The following SSH2 variants were observed in gnomAD, a reference collection of about 807,000 sequenced individuals.
The protein encoded by SSH2 is slingshot protein phosphatase 2.
A neutral mutation model predicts 135.2 loss-of-function variants in SSH2; 37 were observed. The observed-to-expected ratio is 0.27, with a 90% confidence interval of 0.21 to 0.36. The LOEUF is 0.36. Ranked by LOEUF, SSH2 falls within the 10% of genes least tolerant of loss-of-function variation. SSH2 has a pLI of 1.00. For synonymous variants in SSH2, 628 were observed against 646.2 expected (o/e 0.97, Z 0.43); for missense variants, 1,408 against 1,765.3 (o/e 0.80, Z 3.63).
chr17:29,670,954 T>G (rs2037468075), intron 9 of SSH2, among the ~76,000 whole-genome samples: 1 of 152,014 alleles, frequency 6.6e-6, no homozygotes, highest in Non-Finnish European at 1.5e-5. Flanking sequence ...AAAAGAAACA[T>G]CATGACGAAT....
At chr17:29,717,560 G>C (rs572143994) in intron 3 of SSH2, among the ~76,000 whole-genome samples, 18 of 152,358 alleles carry the variant, frequency 1.2e-4, no homozygotes, top group Middle Eastern at 3.4e-3. Flanking sequence ...GACATGAGAT[G>C]GTGTTAAGTG....
At chr17:29,799,117 T>C (rs554998751) in intron 2 of SSH2, among the ~76,000 whole-genome samples, 2 of 152,328 alleles carry the variant, frequency 1.3e-5, no homozygotes, top group South Asian at 4.1e-4. Context: ...ACTTATTACA[T>C]ATAGCTATAG....
At chr17:29,857,483 A>G (rs1599100926) in intron 1 of SSH2, among the ~76,000 whole-genome samples, 1 of 152,088 alleles carries the variant, frequency 6.6e-6, no homozygotes, top group African/African-American at 2.4e-5. Flanking sequence ...CAGTCAAACC[A>G]TATCAACCAT....
In SSH2 at chr17:29,709,399, G is replaced by A. The variant is rs904468398; in HGVS notation, c.189-6337C>T. Among the ~76,000 whole-genome samples the A allele has an allele frequency of 9.8e-5, 15 of 152,286 alleles. 1 individual carries two copies. The South Asian group carries it at 1.5e-3, about 15-fold the overall frequency. ...AATTTAAAAGTAGAGTACAGGGGCTGAGTGTGGTGGCTCATGCCTGTAATC... is the reference window on the plus strand; with the variant it reads ...AATTTAAAAGTAGAGTACAGGGGCTAAGTGTGGTGGCTCATGCCTGTAATC... On this transcript the variant is annotated intron_variant, in intron 3 of 15. Transcript: ENST00000540801.
At chr17:29,807,840 T>TTC (rs946587229) in intron 2 of SSH2, among the ~76,000 whole-genome samples, 1 of 148,924 alleles carries the variant, frequency 6.7e-6, no homozygotes, top group African/African-American at 2.5e-5. Flanking sequence ...GGCTTTTTTT[T>TTC]TTTTTTTTTT....
chr17:29,889,766 G>T (rs1029749379), intron 1 of SSH2, among the ~76,000 whole-genome samples: 3 of 141,262 alleles, frequency 2.1e-5, no homozygotes, highest in Non-Finnish European at 4.6e-5. Context: ...ATGAGCAAAG[G>T]CCAGCCTGGG....
At chr17:29,846,859 G>A (rs2151384667) in intron 2 of SSH2, among the ~76,000 whole-genome samples, 1 of 152,288 alleles carries the variant, frequency 6.6e-6, no homozygotes, top group South Asian at 2.1e-4. Flanking sequence ...TCCTGATACA[G>A]ACAATTCATT....
intron 3 of SSH2, among the ~76,000 whole-genome samples, chr17:29,733,803 G>A (rs1300409746): frequency 1.3e-5 from 2 of 151,720 alleles, no homozygotes; most frequent in Admixed American, 6.6e-5. Flanking sequence ...AATGAAAAAT[G>A]TCTATCTAAA....
chr17:29,684,688 G>A lies in SSH2; in HGVS notation c.358-4C>T. ...AAGTACTTTCCAGTCTTACAGCCTG[G>A]AATTTAGCAGACAACAGAGAAATTA... On this transcript the variant is annotated splice_region_variant and splice_polypyrimidine_tract_variant and intron_variant, in intron 5 of 15. Coordinates refer to ENST00000540801, the MANE Select transcript of SSH2 (RefSeq NM_001282129.2). The A allele has an allele frequency of 6.2e-7, 1 of 1,604,338 alleles. No individual in the cohort carries two copies. The highest frequency in any genetic ancestry group is 8.5e-7 in the Non-Finnish European group (1 of 1,176,554).
chr17:29,861,758 T>C (rs2065769481), intron 1 of SSH2, among the ~76,000 whole-genome samples: 1 of 152,042 alleles, frequency 6.6e-6, no homozygotes, highest in African/African-American at 2.4e-5. Context: ...GAGGTTTCAC[T>C]ATGTTAGCCA....
At chr17:29,689,015 G>T (rs984702776) in intron 5 of SSH2, among the ~76,000 whole-genome samples, 1 of 152,128 alleles carries the variant, frequency 6.6e-6, no homozygotes, top group Non-Finnish European at 1.5e-5. Flanking sequence ...AAAATTAGCT[G>T]GGTGTGGTGG....
chr17:29,911,934 T>C (rs1416212934), intron 1 of SSH2, among the ~76,000 whole-genome samples: 2 of 152,188 alleles, frequency 1.3e-5, no homozygotes, highest in African/African-American at 4.8e-5. Flanking sequence ...AGTGTGACAA[T>C]AGCTATTCCA....
intron 9 of SSH2, among the ~76,000 whole-genome samples, chr17:29,670,457 C>A (rs2037447033): frequency 6.6e-6 from 1 of 152,200 alleles, no homozygotes; most frequent in Non-Finnish European, 1.5e-5. Context: ...GCTTTTTTGA[C>A]TGTTCCTTTC....
intron 12 of SSH2, among the ~76,000 whole-genome samples, chr17:29,653,324 A>G (rs543197598): frequency 3.3e-5 from 5 of 152,298 alleles, no homozygotes; most frequent in African/African-American, 1.2e-4. Context: ...AAAATTTAAC[A>G]ATCACTGAAT....
At chr17:29,705,340 A>G (rs1331950769) in intron 3 of SSH2, among the ~76,000 whole-genome samples, 1 of 152,182 alleles carries the variant, frequency 6.6e-6, no homozygotes, top group East Asian at 1.9e-4. Flanking sequence ...AATAACTATG[A>G]TAAGTAAGCC....
intron 3 of SSH2, among the ~76,000 whole-genome samples, chr17:29,751,885 AG>A (rs1236815551): frequency 2.6e-5 from 4 of 152,206 alleles, no homozygotes; most frequent in Non-Finnish European, 5.9e-5. Context: ...AAATATCAAA[AG>A]TGATAGTTTT....
chr17:29,801,818 A>G (rs1052646796), intron 2 of SSH2, among the ~76,000 whole-genome samples: 11 of 152,224 alleles, frequency 7.2e-5, no homozygotes, highest in Admixed American at 2.0e-4. Flanking sequence ...AACTAATGCC[A>G]TGTGAATGCT....
At chr17:29,759,180 C>T (rs1225020345) in intron 3 of SSH2, among the ~76,000 whole-genome samples, 2 of 152,116 alleles carry the variant, frequency 1.3e-5, no homozygotes, top group Non-Finnish European at 2.9e-5. Context: ...AGACTATAGG[C>T]ATGCGCCACC....
At chr17:29,739,726 T>C (rs775356103) in intron 3 of SSH2, among the ~76,000 whole-genome samples, 1 of 152,176 alleles carries the variant, frequency 6.6e-6, no homozygotes, top group Non-Finnish European at 1.5e-5. Context: ...TACCTGAATC[T>C]AATCTAATTG....
Sources: allele counts gnomAD v4.1 joint callset (sites outside exome capture counted in the v4.1 genomes callset), GRCh38; gene constraint gnomAD v4.1.1; transcripts MANE v1.5; gene names NCBI Gene and HGNC (gene_info 2026-07-23, HGNC 2026-07-21).